The following PDE6C variants were observed in gnomAD, a reference collection of about 807,000 sequenced individuals.
The protein encoded by PDE6C is phosphodiesterase 6C.
PDE6C carries 75 observed loss-of-function variants against 113.1 expected under a neutral mutation model. That is an observed-to-expected ratio of 0.66 (90% CI 0.55 to 0.80). The LOEUF is 0.80. PDE6C is among the 30% of genes least tolerant of loss of function. PDE6C has a pLI of 0.00. For synonymous variants in PDE6C, 375 were observed against 363.7 expected (o/e 1.03, Z -0.35); for missense variants, 912 against 1,038.6 (o/e 0.88, Z 1.67).
intron 15 of PDE6C, among the ~76,000 whole-genome samples, chr10:93,649,751 T>C (rs1055015608): frequency 1.3e-5 from 2 of 152,110 alleles, no homozygotes; most frequent in African/African-American, 4.8e-5. Context: ...ATTATAGGCA[T>C]GCACCACCAC....
At chr10:93,642,411 T>A (rs2058564313) in intron 14 of PDE6C, among the ~76,000 whole-genome samples, 1 of 152,246 alleles carries the variant, frequency 6.6e-6, no homozygotes, top group South Asian at 2.1e-4. Flanking sequence ...TGGTTACTAT[T>A]ATTGTTGTGA....
intron 1 of PDE6C, 52 bp from the exon 2 acceptor site, chr10:93,620,580 A>ACCACTCTATGATTTTGTG: frequency 6.4e-7 from 1 of 1,573,582 alleles, no homozygotes; most frequent in Non-Finnish European, 8.7e-7. Flanking sequence ...CCCTAGATCT[A>ACCACTCTATGATTTTGTG]CCACTCTATG....
chr10:93,622,106 A>T, intron 4 of PDE6C, 34 bp downstream of exon 4: 1 of 1,600,932 alleles, frequency 6.2e-7, no homozygotes. Flanking sequence ...GTCTCATCTC[A>T]CATCGCCTAT....
intron 11 of PDE6C, among the ~76,000 whole-genome samples, chr10:93,638,138 A>G (rs1456715816): frequency 6.6e-6 from 1 of 152,210 alleles, no homozygotes; most frequent in East Asian, 1.9e-4. Flanking sequence ...TGGAAATATC[A>G]CACTTAATTT....
intron 14 of PDE6C, among the ~76,000 whole-genome samples, chr10:93,645,414 A>G (rs944415158): frequency 6.6e-6 from 1 of 152,196 alleles, no homozygotes; most frequent in African/African-American, 2.4e-5. Context: ...GAGTCTTCAC[A>G]TAATCTCTAG....
At chr10:93,632,086 C>A (rs970829422) in intron 8 of PDE6C, among the ~76,000 whole-genome samples, 3 of 152,160 alleles carry the variant, frequency 2.0e-5, no homozygotes, top group Non-Finnish European at 2.9e-5. Flanking sequence ...GTGACCCTTC[C>A]CCTGGCAGAG....
At chr10:93,654,515 T>A (rs1032204034) in intron 15 of PDE6C, among the ~76,000 whole-genome samples, 2 of 152,226 alleles carry the variant, frequency 1.3e-5, no homozygotes, top group African/African-American at 4.8e-5. Flanking sequence ...TAAGTAAGTG[T>A]TTACTGTTAT....
intron 14 of PDE6C, 119 bp from the exon 15 acceptor site, chr10:93,645,841 C>T: frequency 5.8e-6 from 4 of 693,078 alleles, no homozygotes; most frequent in South Asian, 1.5e-5. Flanking sequence ...TATTTTTGAC[C>T]ACTTCACAGA....
intron 14 of PDE6C, among the ~76,000 whole-genome samples, chr10:93,643,357 G>C (rs1355289657): frequency 6.6e-6 from 1 of 152,016 alleles, no homozygotes; most frequent in Non-Finnish European, 1.5e-5. Context: ...ACTGCAGACT[G>C]TCAGTGTGTG....
intron 11 of PDE6C, among the ~76,000 whole-genome samples, chr10:93,638,441 C>A (rs1481792540): frequency 6.6e-6 from 1 of 152,164 alleles, no homozygotes; most frequent in East Asian, 1.9e-4. Flanking sequence ...AGAAGACCAC[C>A]CTTTCTTCTC....
chr10:93,625,689 T>G (rs749735213), intron 5 of PDE6C, 40 bp downstream of exon 5: 18 of 1,397,178 alleles, frequency 1.3e-5, no homozygotes, highest in Non-Finnish European at 1.8e-5. Context: ...CTGTGCATGG[T>G]GTCAGGTGCT....
chr10:93,656,548 A>T (rs2058638539), intron 16 of PDE6C, among the ~76,000 whole-genome samples: 1 of 151,606 alleles, frequency 6.6e-6, no homozygotes, highest in Non-Finnish European at 1.5e-5. Context: ...TCCTTCACTA[A>T]ATATTTATTT....
intron 18 of PDE6C, among the ~76,000 whole-genome samples, 196 bp downstream of exon 18, chr10:93,659,363 G>T (rs2058655603): frequency 6.6e-6 from 1 of 152,128 alleles, no homozygotes; most frequent in African/African-American, 2.4e-5. Context: ...TTTCTTGAAA[G>T]AATTCTTTAA....
chr10:93,659,008 T>C lies in PDE6C; in HGVS notation c.2144T>C (p.Met715Thr), dbSNP rs1483600092. 2 of 1,577,414 alleles carry C rather than the reference T, an allele frequency of 1.3e-6. No individual in the cohort carries two copies. The highest frequency in any genetic ancestry group is 1.3e-5 in the African/African-American group (1 of 74,254). ...GATCCAACCAAGAAAGAGATTATCA[T>C]GTAGGTAGTTGAAATTGTATTTCTC... ...TVDPTKKEII[M>T]AMMMTACDLS... Residue 715 changes from methionine to threonine, a missense_variant and splice_region_variant, in exon 17 of 22, where the codon ATG (methionine) becomes ACG (threonine). Met to Thr is a moderately conservative substitution (Grantham distance 81). Transcript: ENST00000371447.
intron 5 of PDE6C, 46 bp downstream of exon 5, chr10:93,625,695 G>A (rs1193855676): frequency 1.4e-6 from 2 of 1,382,608 alleles, no homozygotes; most frequent in Non-Finnish European, 2.1e-6. Context: ...ATGGTGTCAG[G>A]TGCTAAAATT....
intron 5 of PDE6C, among the ~76,000 whole-genome samples, chr10:93,626,049 G>A (rs1352759059): frequency 3.9e-5 from 6 of 152,130 alleles, no homozygotes; most frequent in African/African-American, 2.4e-5. Context: ...AGAAACCCCT[G>A]TGTCCATAGC....
intron 8 of PDE6C, among the ~76,000 whole-genome samples, chr10:93,631,915 C>T (rs781105239): frequency 6.6e-6 from 1 of 152,200 alleles, no homozygotes; most frequent in Non-Finnish European, 1.5e-5. Flanking sequence ...TAAAACCACA[C>T]GAAATGTATT....
chr10:93,665,254 T>C, intron 21 of PDE6C, 106 bp from the exon 22 acceptor site: 1 of 877,906 alleles, frequency 1.1e-6, no homozygotes, highest in Non-Finnish European at 1.9e-6. Flanking sequence ...TAGGTTAAAA[T>C]GACTAATTAG....
intron 20 of PDE6C, 47 bp from the exon 21 acceptor site, chr10:93,662,981 A>T: frequency 6.5e-7 from 1 of 1,532,506 alleles, no homozygotes; most frequent in East Asian, 2.3e-5. Flanking sequence ...AGATCCTGAA[A>T]ATTAACTGTA....
Sources: gnomAD v4.1 joint callset for allele counts (sites outside exome capture counted in the v4.1 genomes callset) on GRCh38, gnomAD v4.1.1 for gene constraint, MANE v1.5 for transcripts, NCBI Gene and HGNC (gene_info 2026-07-23, HGNC 2026-07-21) for gene names.